The following BTN2A1 variants were observed in gnomAD, a reference collection of about 807,000 sequenced individuals.
BTN2A1 encodes butyrophilin subfamily 2 member A1.
BTN2A1 carries 41 observed loss-of-function variants against 34.5 expected under a neutral mutation model. The observed-to-expected ratio is 1.19, with a 90% CI of 0.93 to 1.54. The LOEUF (loss-of-function observed/expected upper bound fraction) is 1.54, where lower values mean the gene tolerates loss of function less well. Ranked by LOEUF, BTN2A1 falls within the 40% of genes most tolerant of loss-of-function variation. BTN2A1 has a pLI of 0.00. For missense variants in BTN2A1, 642 were observed against 662.0 expected (o/e 0.97, Z 0.33); for synonymous variants, 267 against 258.6 (o/e 1.03, Z -0.31).
intron 7 of BTN2A1, among the ~76,000 whole-genome samples, chr6:26,466,890 C>T (rs180840540): frequency 1.3e-5 from 2 of 152,250 alleles, no homozygotes; most frequent in African/African-American, 2.4e-5. Flanking sequence ...AGAATAAATA[C>T]AGATGGGAGA....
Position 26,463,230 on chromosome 6 carries a change from A to G in BTN2A1, c.431-14A>G, listed in dbSNP as rs772381185. 6.4e-7 allele frequency: 1 copy of G among 1,559,138 alleles called. No individual in the cohort carries two copies. Among genetic ancestry groups the G allele is most frequent in the East Asian group, 2.3e-5 (1 of 44,414 alleles). On this transcript the variant is annotated splice_polypyrimidine_tract_variant and intron_variant, in intron 3 of 7. Coordinates refer to ENST00000312541, the MANE Select transcript of BTN2A1 (RefSeq NM_007049.5). ...GGCACTGACTTTTGCCTGAACCCTG[A>G]TATCTCTCCACAGGACTAGGCTCTA... is the stretch of plus-strand genomic sequence containing the variant.
chr6:26,470,668 TTCTC>T (rs149184891), downstream of BTN2A1, among the ~76,000 whole-genome samples: 3 of 151,216 alleles, frequency 2.0e-5, no homozygotes, highest in South Asian at 2.1e-4. Flanking sequence ...GAAAGGTGAA[TTCTC>T]TCTCTCTCTC....
chr6:26,458,841 C>A, intron 2 of BTN2A1, 123 bp downstream of exon 2: 2 of 1,285,240 alleles, frequency 1.6e-6, no homozygotes, highest in South Asian at 2.4e-5. Flanking sequence ...TGAACATGTT[C>A]ATTGAATTTA....
exon 8 of BTN2A1, chr6:26,476,298 T>C: frequency 1.1e-6 from 1 of 902,374 alleles, no homozygotes; most frequent in Non-Finnish European, 1.8e-6. Context: ...CCCATCGCTC[T>C]CTCCTGTCTA....
chr6:26,469,147 G>T lies in BTN2A1; in HGVS notation c.*598G>T. On this transcript the variant is annotated 3_prime_UTR_variant, in exon 8 of 8. Transcript: ENST00000312541. ...GGATTTCCAGAGCGCACATCCACAG[G>T]CCTGGACCTGGGATGAAGATGAATG... The T allele has an allele frequency of 1.9e-6, 2 of 1,076,064 alleles. No homozygotes were observed. Among genetic ancestry groups the T allele is most frequent in the Non-Finnish European group, 2.3e-6 (2 of 884,000 alleles). 66.7% of individuals were successfully genotyped at this position (1,076,064 alleles called of 1,614,324 possible).
intron 7 of BTN2A1, 97 bp from the exon 8 acceptor site, chr6:26,467,851 C>A (rs779242204): frequency 8.3e-6 from 13 of 1,560,544 alleles, no homozygotes; most frequent in Non-Finnish European, 1.0e-5. Context: ...ACGTGGGGAT[C>A]CCTTCAGAGA....
intron 3 of BTN2A1, among the ~76,000 whole-genome samples, chr6:26,460,327 A>C (rs1420419269): frequency 1.3e-5 from 2 of 152,182 alleles, no homozygotes; most frequent in African/African-American, 4.8e-5. Flanking sequence ...CAACATATCA[A>C]ATCTTATTTC....
At chr6:26,465,863 TAG>T in intron 5 of BTN2A1, 88 bp from the exon 6 acceptor site, 1 of 1,594,374 alleles carries the variant, frequency 6.3e-7, no homozygotes, top group Non-Finnish European at 8.5e-7. Flanking sequence ...TTGCTGTTCA[TAG>T]AAAGGACGGT....
rs186440261 is a variant in BTN2A1 at position 26,468,221 on chromosome 6, A to T, written c.1256A>T (p.Asn419Ile). ...GGGGAGGTCCTGCTGATTCCTCAGA[A>T]TGGCTTCTGGACCTTGGAGATGCAT... ...RKGEVLLIPQ[N>I]GFWTLEMHKG... is the part of the protein sequence containing the mutation. Residue 419 changes from asparagine (N) to isoleucine (I), a missense_variant, in exon 8 of 8, where the codon AAT becomes ATT. Coordinates refer to ENST00000312541, the MANE Select transcript of BTN2A1 (RefSeq NM_007049.5). 6 of 1,614,172 alleles carry T rather than the reference A, an allele frequency of 3.7e-6. No individual in the cohort carries two copies. Among genetic ancestry groups the T allele is most frequent in the Middle Eastern group, 1.6e-4 (1 of 6,062 alleles).
rs1763409324 is a variant in BTN2A1 at position 26,469,361 on chromosome 6, T to C, written c.*812T>C. On this transcript the variant is annotated 3_prime_UTR_variant, in exon 8 of 8. Coordinates refer to ENST00000312541, the MANE Select transcript of BTN2A1 (RefSeq NM_007049.5). ...GGCTTCAAACTTCCTGGTTTCATGATATCTTGAGACGCCTTACAAATGATG... is the reference window on the plus strand; with the variant it reads ...GGCTTCAAACTTCCTGGTTTCATGACATCTTGAGACGCCTTACAAATGATG... The C allele has an allele frequency of 1.0e-6, 1 of 983,910 alleles. No individual in the cohort carries two copies. 60.9% of individuals were successfully genotyped at this position (983,910 alleles called of 1,614,324 possible).
chr6:26,464,293 C>T (rs558351276), intron 4 of BTN2A1, among the ~76,000 whole-genome samples: 1 of 152,236 alleles, frequency 6.6e-6, no homozygotes, highest in African/African-American at 2.4e-5. Flanking sequence ...AGAAGCATAT[C>T]GTATGTTCAA....
chr6:26,468,379 A>C lies in BTN2A1; in HGVS notation c.1414A>C (p.Ile472Leu). The change falls in exon 8 of 8, where the codon ATC (isoleucine) becomes CTC (leucine). Residue 472 changes from isoleucine (I) to leucine (L), a missense_variant. Ile to Leu is a conservative substitution (Grantham distance 5, BLOSUM62 2). Transcript: ENST00000312541. ...CTACAACATGAGGGACAGATCGCAC[A>C]TCTACACATGTCCCCGTTCAGCCTT... Reference protein sequence around the residue: ...SFYNMRDRSHIYTCPRSAFSV... With the variant: ...SFYNMRDRSHLYTCPRSAFSV... 1 of 1,614,176 alleles carries C rather than the reference A, an allele frequency of 6.2e-7. No homozygotes were observed. The highest frequency in any genetic ancestry group is 8.5e-7 in the Non-Finnish European group (1 of 1,180,024).
Position 26,463,374 on chromosome 6 carries a change from T to C in BTN2A1, c.561T>C (p.Pro187=), listed in dbSNP as rs778305709. 3.7e-6 allele frequency: 6 copies of C among 1,613,986 alleles called. No homozygotes were observed. The Admixed American group carries it at 1.0e-4, about 27-fold the overall frequency. The change falls in exon 4 of 8, where the codon CCT becomes CCC. Residue 187 remains proline, a synonymous_variant. Transcript: ENST00000312541. ...GGGACCCCTACGGTGGGGTTGCGCC[T>C]GCCCTGAAAGAGGTCTCCATGCCTG... The part of the protein sequence containing the change: ...VWRDPYGGVA[P]ALKEVSMPDA...
chr6:26,465,033 T>C, intron 4 of BTN2A1, 152 bp from the exon 5 acceptor site: 1 of 670,284 alleles, frequency 1.5e-6, no homozygotes, highest in Non-Finnish European at 2.5e-6. Context: ...GTCAGCCAGG[T>C]GTGAGCCAGC....
At chr6:26,473,767 G>A (rs774686787), downstream of BTN2A1, among the ~76,000 whole-genome samples, 2 of 152,158 alleles carry the variant, frequency 1.3e-5, no homozygotes, top group Non-Finnish European at 2.9e-5. Flanking sequence ...GATTGTACAC[G>A]TAACACACAC....
chr6:26,470,897 G>A (rs989794252), downstream of BTN2A1, among the ~76,000 whole-genome samples: 7 of 152,134 alleles, frequency 4.6e-5, no homozygotes, highest in African/African-American at 1.7e-4. Context: ...GGCCCGTCAT[G>A]GGATTTCTCA....
At position 26,458,676 on chromosome 6, in the gene BTN2A1, T is replaced by C. The variant is rs765094199; in HGVS notation, c.40T>C (p.Ser14Pro). ...AAALHFSRPA[S>P]LLLLLLSLCA... ...TGCCCTGCACTTCTCCCGGCCAGCC[T>C]CCCTCCTCCTCCTCCTCCTCAGCCT... The change falls in exon 2 of 8, where the codon TCC (serine) becomes CCC (proline). Residue 14 changes from serine (S) to proline (P), a missense_variant. Physicochemically the swap from Ser to Pro is moderately conservative, Grantham distance 74 (BLOSUM62 -1). Coordinates refer to ENST00000312541, the MANE Select transcript of BTN2A1 (RefSeq NM_007049.5). 6.2e-7 allele frequency: 1 copy of C among 1,613,304 alleles called. No individual in the cohort carries two copies. Among genetic ancestry groups the C allele is most frequent in the Non-Finnish European group, 8.5e-7 (1 of 1,179,586 alleles).
chr6:26,468,880 C>T lies in BTN2A1; in HGVS notation c.*331C>T, dbSNP rs1047929213. On this transcript the variant is annotated 3_prime_UTR_variant, in exon 8 of 8. Coordinates refer to ENST00000312541, the MANE Select transcript of BTN2A1 (RefSeq NM_007049.5). ...AACATCAGGGTGACCACATTAAGCCCAGTATTCCAGTTGGCACCAGAAGAT... is the reference window on the plus strand; with the variant it reads ...AACATCAGGGTGACCACATTAAGCCTAGTATTCCAGTTGGCACCAGAAGAT... 2.2e-6 allele frequency: 3 copies of T among 1,388,502 alleles called. No individual in the cohort carries two copies. Among genetic ancestry groups the T allele is most frequent in the African/African-American group, 2.9e-5 (2 of 69,604 alleles). 86.0% of individuals were successfully genotyped at this position (1,388,502 alleles called of 1,614,324 possible).
At chr6:26,462,715 AAGGGTC>A in intron 3 of BTN2A1, 1 of 947,130 alleles carries the variant, frequency 1.1e-6, no homozygotes, top group Non-Finnish European at 1.5e-6. Flanking sequence ...AACTAGACAG[AAGGGTC>A]AATGTCTTTG....
Sources: gnomAD v4.1 joint callset for allele counts (sites outside exome capture counted in the v4.1 genomes callset) on GRCh38, gnomAD v4.1.1 for gene constraint, MANE v1.5 for transcripts, NCBI Gene and HGNC (gene_info 2026-07-23, HGNC 2026-07-21) for gene names.